CHID1: variants seen among roughly 807,000 people sequenced by gnomAD.
CHID1 encodes chitinase domain-containing protein 1.
A neutral mutation model predicts 55.4 loss-of-function variants in CHID1; 44 were observed. The ratio of observed to expected loss-of-function variants is 0.79; its 90% CI spans 0.62 to 1.02. The LOEUF (loss-of-function observed/expected upper bound fraction) is 1.02, where lower values mean the gene tolerates loss of function less well. CHID1 is among the 50% of genes least tolerant of loss of function. CHID1 has a pLI of 0.00. For synonymous variants in CHID1, 216 were observed against 212.9 expected (o/e 1.01, Z -0.13); for missense variants, 491 against 515.3 (o/e 0.95, Z 0.46).
At position 902,979 on chromosome 11, in the gene CHID1, G is replaced by A. The variant is rs758952086; in HGVS notation, c.244C>T (p.Leu82=). 3.1e-6 allele frequency: 5 copies of A among 1,613,994 alleles called. No homozygotes were observed. The highest frequency in any genetic ancestry group is 4.2e-6 in the Non-Finnish European group (5 of 1,179,984). ...CAACTTACTGGAGTGACATAGCCCA[G>A]TACATCCCCAGCAAAGTGTCTGTCC... The part of the protein sequence containing the change: ...ARDRHFAGDV[L]GYVTPWNSHG... The change falls in exon 3 of 13, where the codon CTG becomes TTG. Residue 82 remains leucine (L), a synonymous_variant. Coordinates refer to ENST00000323578, the MANE Select transcript of CHID1 (RefSeq NM_023947.4).
intron 8 of CHID1, among the ~76,000 whole-genome samples, chr11:892,700 G>T (rs986651145): frequency 6.6e-6 from 1 of 152,250 alleles, no homozygotes; most frequent in Non-Finnish European, 1.5e-5. Flanking sequence ...GTCTGTCCCA[G>T]CACTGCCTTG....
At chr11:912,062 C>T (rs928156034), upstream of CHID1, among the ~76,000 whole-genome samples, 1 of 152,262 alleles carries the variant, frequency 6.6e-6, no homozygotes. Flanking sequence ...CAGCCGCCGC[C>T]TTTAATCCTA....
At chr11:905,461 G>A (rs1430549416) in intron 1 of CHID1, among the ~76,000 whole-genome samples, 1 of 152,196 alleles carries the variant, frequency 6.6e-6, no homozygotes, top group East Asian at 1.9e-4. Flanking sequence ...CCTGAGGTCA[G>A]GAATTCATGA....
At chr11:899,960 C>T (rs771301155) in intron 6 of CHID1, 44 bp downstream of exon 6, 3 of 1,492,252 alleles carry the variant, frequency 2.0e-6, no homozygotes, top group South Asian at 2.3e-5. Context: ...CAGGTGGGAC[C>T]CGGGGGGCTG....
chr11:895,985 C>A (rs1851245774), intron 7 of CHID1, among the ~76,000 whole-genome samples: 1 of 152,034 alleles, frequency 6.6e-6, no homozygotes. Context: ...CCTGCAGTGG[C>A]CACTCCGGCT....
chr11:884,016 T>G, intron 9 of CHID1, 52 bp downstream of exon 9: 1 of 1,397,244 alleles, frequency 7.2e-7, no homozygotes, highest in Admixed American at 1.7e-5. Flanking sequence ...CCACACTCAC[T>G]GCTGCACTGT....
intron 2 of CHID1, 33 bp downstream of exon 2, chr11:904,672 GT>G: frequency 6.2e-7 from 1 of 1,612,894 alleles, no homozygotes; most frequent in Non-Finnish European, 8.5e-7. Context: ...CCCTCAGCCA[GT>G]ACAGTCACCT....
At position 904,889 on chromosome 11, in the gene CHID1, A is replaced by C. The variant is rs550690103; in HGVS notation, c.-43-30T>G. 37 of 1,607,326 alleles carry C rather than the reference A, an allele frequency of 2.3e-5. No homozygotes were observed. The East Asian group carries it at 8.0e-4, about 35-fold the overall frequency. ...AGGGAAAGCAGAGCACATTCAAACA[A>C]CCGGCAGAGAAATGCAGCACATGGG... On this transcript the variant is annotated intron_variant, in intron 1 of 12. Transcript: ENST00000323578.
intron 10 of CHID1, among the ~76,000 whole-genome samples, chr11:872,005 C>T (rs1165821190): frequency 6.6e-6 from 1 of 152,202 alleles, no homozygotes; most frequent in Non-Finnish European, 1.5e-5. Context: ...ACCCCCCCAG[C>T]AGTGCTCGAC....
Position 887,431 on chromosome 11 carries a change from G to T in CHID1, c.702-3262C>A, listed in dbSNP as rs116720352. ...GTGTGGGCAGCATCGTCCACCTGGC[G>T]AGAGGCTGGTCTTCTCGCTCCTTTG... On this transcript the variant is annotated intron_variant, in intron 8 of 12. Transcript: ENST00000323578. 1.4e-3 allele frequency among the ~76,000 whole-genome samples: 219 copies of T among 152,288 alleles called. 3 individuals are homozygous for T. Among genetic ancestry groups the T allele is most frequent in the African/African-American group, 4.7e-3 (194 of 41,556 alleles).
At position 903,110 on chromosome 11, in the gene CHID1, C is replaced by T. The variant is rs1231394454; in HGVS notation, c.113G>A (p.Ser38Asn). 1.2e-6 allele frequency: 2 copies of T among 1,609,016 alleles called. No individual in the cohort carries two copies. Among genetic ancestry groups the T allele is most frequent in the East Asian group, 4.5e-5 (2 of 44,884 alleles). The stretch of plus-strand genomic sequence containing the variant: ...TTGCACCGGCTTATCTGAAAACTGA[C>T]TCTGAAATAAAAGGAGTGAGAGAAA... ...KAASKTLLEK[S>N]QFSDKPVQDR... Residue 38 changes from serine to asparagine, a missense_variant and splice_region_variant, in exon 3 of 13, where the codon AGT (serine) becomes AAT (asparagine). Transcript: ENST00000323578.
Position 902,478 on chromosome 11 carries a change from G to C in CHID1, c.262-148C>G. The C allele has an allele frequency of 3.6e-6, 3 of 834,990 alleles. No homozygotes were observed. In the Admixed American group the frequency reaches 7.8e-5, roughly 22 times the overall value. The allele number at this position is 834,990 out of a possible 1,614,324, so 51.7% of individuals were successfully genotyped here. A position where few individuals can be genotyped will look rare whatever the true frequency, so the allele number is the denominator to read the frequency against. On this transcript the variant is annotated intron_variant, in intron 3 of 12. Coordinates refer to ENST00000323578, the MANE Select transcript of CHID1 (RefSeq NM_023947.4). ...GGACTGACATCAGCTCCTGGCCTGGGGTATCCTTCTCCTACTCTGGACTGC... is the reference window on the plus strand; with the variant it reads ...GGACTGACATCAGCTCCTGGCCTGGCGTATCCTTCTCCTACTCTGGACTGC...
intron 10 of CHID1, among the ~76,000 whole-genome samples, chr11:874,519 A>C (rs1026313019): frequency 6.6e-6 from 1 of 152,154 alleles, no homozygotes; most frequent in Admixed American, 6.5e-5. Context: ...CAATGGTGTG[A>C]TCATAGCGCA....
At chr11:870,848 A>G in intron 10 of CHID1, 1 of 254,548 alleles carries the variant, frequency 3.9e-6, no homozygotes, top group Non-Finnish European at 7.8e-6. Flanking sequence ...CACTCTGTCC[A>G]GACCCCAGGT....
intron 10 of CHID1, among the ~76,000 whole-genome samples, chr11:880,123 A>G (rs1565168369): frequency 6.6e-6 from 1 of 152,226 alleles, no homozygotes. Flanking sequence ...CCTGTGCCCC[A>G]TCTCAGCAGG....
rs7116337 is a variant in CHID1, at chr11:885,983, C to A, written c.702-1814G>T. Among the ~76,000 whole-genome samples, 1,451 of 151,894 alleles carry A rather than the reference C, an allele frequency of 9.6e-3. 25 individuals carry two copies. Among genetic ancestry groups the A allele is most frequent in the African/African-American group, 0.033 (1,375 of 41,388 alleles). The stretch of plus-strand genomic sequence containing the variant: ...CTAACACAGTGAAACCCCGTCTCTA[C>A]TAAAAATACAAAAAAATTAGCCGGG... On this transcript the variant is annotated intron_variant, in intron 8 of 12. Transcript: ENST00000323578.
upstream of CHID1, chr11:914,787 G>T (rs2134419835): frequency 2.9e-6 from 1 of 347,540 alleles, no homozygotes; most frequent in Non-Finnish European, 5.6e-6. Context: ...GGCCTTTGGG[G>T]CTGGGTTTGT....
intron 7 of CHID1, among the ~76,000 whole-genome samples, chr11:897,589 A>C (rs113018480): frequency 0.02 from 3,032 of 152,286 alleles, 43 homozygotes; most frequent in Non-Finnish European, 0.035. Flanking sequence ...CCTCCGGCAA[A>C]GCTGGGGCCC....
At chr11:906,743 A>G (rs182229186) in intron 1 of CHID1, among the ~76,000 whole-genome samples, 79 of 152,306 alleles carry the variant, frequency 5.2e-4, no homozygotes, top group Non-Finnish European at 7.9e-4. Flanking sequence ...AAAACAAAAA[A>G]GTAGCCTGGG....
Sources: allele counts gnomAD v4.1 joint callset (sites outside exome capture counted in the v4.1 genomes callset), GRCh38; gene constraint gnomAD v4.1.1; transcripts MANE v1.5; gene names NCBI Gene and HGNC (gene_info 2026-07-23, HGNC 2026-07-21).